The following GLIS3 variants were observed in gnomAD, a reference collection of about 807,000 sequenced individuals.
GLIS3 encodes the protein GLIS family zinc finger 3.
A neutral mutation model predicts 78.6 loss-of-function variants in GLIS3; 53 were observed. The observed-to-expected ratio is 0.67, with a 90% CI of 0.54 to 0.85. The LOEUF is 0.85. GLIS3 is among the 40% of genes least tolerant of loss of function. The probability of loss-of-function intolerance (pLI) is 0.00; values close to 1 mark genes in which losing one functional copy is unlikely to be tolerated. For missense variants in GLIS3, 1,703 were observed against 1,231.1 expected, an observed-to-expected ratio of 1.38 and a Z score of -5.74; for synonymous variants, 684 against 509.9, an observed-to-expected ratio of 1.34 and a Z score of -4.60.
At chr9:4,402,912 T>G in the GLIS3 span, among the ~76,000 whole-genome samples, 2 of 152,052 alleles carry the variant, frequency 1.3e-5, no homozygotes, top group South Asian at 4.1e-4. Context: ...AAAGGGATAA[T>G]AACAGAGAAC....
chr9:4,051,847 C>A (rs750838624), intron 4 of GLIS3, among the ~76,000 whole-genome samples: 9 of 152,104 alleles, frequency 5.9e-5, no homozygotes, highest in Non-Finnish European at 8.8e-5. Context: ...CAAAGGTGGG[C>A]TTTTTGCCAT....
In GLIS3 at chr9:4,161,849, GTT is replaced by G. The variant is rs56116096; in HGVS notation, c.389-35910_389-35909del. On this transcript the variant is annotated intron_variant, in intron 2 of 10. Transcript: ENST00000381971. ...TGCATGTCACACCCAGCTAATTTTT[GTT>G]TTTTTTTTTTTTCAGTAGAGATGGG... 1.6e-3 allele frequency among the ~76,000 whole-genome samples: 232 copies of G among 146,610 alleles called. 1 individual carries two copies. Among genetic ancestry groups the G allele is most frequent in the Admixed American group, 3.2e-3 (48 of 14,794 alleles).
intron 9 of GLIS3, among the ~76,000 whole-genome samples, chr9:3,843,360 TGG>T (rs1430050697): frequency 6.6e-6 from 1 of 152,214 alleles, no homozygotes; most frequent in Non-Finnish European, 1.5e-5. Context: ...CTATTATATA[TGG>T]TTAGGCTTCC....
the GLIS3 span, among the ~76,000 whole-genome samples, chr9:4,449,202 G>A: frequency 2.0e-5 from 3 of 152,332 alleles, no homozygotes; most frequent in Non-Finnish European, 4.4e-5. Context: ...CAAGCCCACA[G>A]AACCTTGCTT....
At chr9:4,001,032 CCAA>C (rs1359658811) in intron 4 of GLIS3, among the ~76,000 whole-genome samples, 2 of 152,194 alleles carry the variant, frequency 1.3e-5, no homozygotes, top group Non-Finnish European at 2.9e-5. Context: ...CTCAGTTAAA[CCAA>C]CATTTCCCGT....
chr9:4,306,946 C>G (rs1419499715), intron 4 of GLIS3, among the ~76,000 whole-genome samples: 1 of 152,178 alleles, frequency 6.6e-6, no homozygotes, highest in African/African-American at 2.4e-5. Flanking sequence ...CAGCAGATTG[C>G]GTAAGTCAGA....
intron 2 of GLIS3, among the ~76,000 whole-genome samples, chr9:4,172,583 T>C (rs1412594937): frequency 2.0e-5 from 3 of 152,190 alleles, no homozygotes; most frequent in African/African-American, 4.8e-5. Flanking sequence ...GCAAGCATGA[T>C]ATAAATATTT....
At chr9:4,468,574 A>C in the GLIS3 span, among the ~76,000 whole-genome samples, 5 of 152,200 alleles carry the variant, frequency 3.3e-5, no homozygotes, top group South Asian at 2.1e-4. Flanking sequence ...ACTTTACAGA[A>C]AAGCAAATGC....
the GLIS3 span, among the ~76,000 whole-genome samples, chr9:4,411,210 T>C: frequency 6.6e-6 from 1 of 152,206 alleles, no homozygotes; most frequent in Non-Finnish European, 1.5e-5. Context: ...TCACACTTTT[T>C]CTCAATTTAA....
At chr9:4,243,032 T>C (rs1304979948) in intron 2 of GLIS3, among the ~76,000 whole-genome samples, 1 of 152,182 alleles carries the variant, frequency 6.6e-6, no homozygotes, top group Admixed American at 6.5e-5. Context: ...ATATTCCAGA[T>C]ATTCTACCAT....
At chr9:3,860,192 G>A (rs1032925058) in intron 8 of GLIS3, among the ~76,000 whole-genome samples, 10 of 148,680 alleles carry the variant, frequency 6.7e-5, no homozygotes, top group South Asian at 6.4e-4. Flanking sequence ...GGAGAATGGC[G>A]TGAATCCGGG....
chr9:4,319,536 T>C (rs1050003052), intron 2 of GLIS3, among the ~76,000 whole-genome samples: 1 of 151,398 alleles, frequency 6.6e-6, no homozygotes, highest in African/African-American at 2.4e-5. Flanking sequence ...TACTAACACT[T>C]TTTTTTTTCT....
chr9:4,374,083 C>A, the GLIS3 span, among the ~76,000 whole-genome samples: 183 of 152,274 alleles, frequency 1.2e-3, no homozygotes, highest in Non-Finnish European at 2.0e-3. Flanking sequence ...ATGCTTTTGG[C>A]GGATACACGA....
At chr9:4,336,656 C>T (rs78778941) in intron 2 of GLIS3, among the ~76,000 whole-genome samples, 408 of 152,282 alleles carry the variant, frequency 2.7e-3, no homozygotes, top group African/African-American at 9.6e-3. Flanking sequence ...GGTTTAGACC[C>T]AGATCCACCT....
At chr9:4,366,241 A>G in the GLIS3 span, among the ~76,000 whole-genome samples, 5 of 152,244 alleles carry the variant, frequency 3.3e-5, no homozygotes, top group African/African-American at 1.2e-4. Flanking sequence ...CTGAACATTT[A>G]ATTAGATTTT....
At chr9:3,898,399 C>T in intron 7 of GLIS3, 1 of 432,564 alleles carries the variant, frequency 2.3e-6, no homozygotes, top group Non-Finnish European at 4.3e-6. Flanking sequence ...GAGTCTAAAT[C>T]AAGTGAGTAA....
chr9:4,470,670 A>C, the GLIS3 span, among the ~76,000 whole-genome samples: 1 of 152,014 alleles, frequency 6.6e-6, no homozygotes, highest in East Asian at 1.9e-4. Context: ...AAAAACTGGA[A>C]GCATTCCCTT....
At chr9:4,334,047 C>A (rs942057229) in intron 2 of GLIS3, among the ~76,000 whole-genome samples, 22 of 152,088 alleles carry the variant, frequency 1.4e-4, no homozygotes, top group Admixed American at 3.9e-4. Context: ...ATGAGGCAGA[C>A]AATACTCTAG....
intron 2 of GLIS3, among the ~76,000 whole-genome samples, chr9:4,263,109 G>A (rs1302879015): frequency 6.6e-6 from 1 of 152,120 alleles, no homozygotes; most frequent in Non-Finnish European, 1.5e-5. Context: ...AACCCACACT[G>A]AAATGGCCAT....
Sources: gnomAD v4.1 joint callset for allele counts (sites outside exome capture counted in the v4.1 genomes callset) on GRCh38, gnomAD v4.1.1 for gene constraint, MANE v1.5 for transcripts, NCBI Gene and HGNC (gene_info 2026-07-23, HGNC 2026-07-21) for gene names.